The following ANO10 variants were observed in gnomAD, a reference collection of about 807,000 sequenced individuals.
ANO10 encodes anoctamin-10.
A neutral mutation model predicts 74.7 loss-of-function variants in ANO10; 77 were observed. That is an observed-to-expected ratio of 1.03 (90% CI 0.86 to 1.25). The LOEUF (loss-of-function observed/expected upper bound fraction) is 1.25, where lower values mean the gene tolerates loss of function less well. Among genes scored for constraint, ANO10 ranks in the 50% most tolerant of loss-of-function variants. The probability of loss-of-function intolerance (pLI) is 0.00; values close to 1 mark genes in which losing one functional copy is unlikely to be tolerated. For synonymous variants in ANO10, 279 were observed against 284.9 expected, an observed-to-expected ratio of 0.98 and a Z score of 0.21; for missense variants, 721 against 778.1, an observed-to-expected ratio of 0.93 and a Z score of 0.87.
At chr3:43,578,292 G>T (rs2149406745) in intron 5 of ANO10, among the ~76,000 whole-genome samples, 1 of 152,100 alleles carries the variant, frequency 6.6e-6, no homozygotes, top group East Asian at 1.9e-4. Context: ...CATGACACTT[G>T]GCTCCACAGC....
intron 1 of ANO10, among the ~76,000 whole-genome samples, chr3:43,651,516 T>C (rs1410863800): frequency 6.6e-6 from 1 of 152,078 alleles, no homozygotes. Context: ...AGAGGGAGTA[T>C]TTTTTTCTAG....
At chr3:43,428,103 G>A (rs905404752) in intron 12 of ANO10, among the ~76,000 whole-genome samples, 2 of 151,776 alleles carry the variant, frequency 1.3e-5, no homozygotes, top group African/African-American at 4.8e-5. Flanking sequence ...AGCCTGGAGT[G>A]CAGAGGCGTG....
At chr3:43,675,674 G>A (rs755354285) in intron 1 of ANO10, among the ~76,000 whole-genome samples, 7 of 152,042 alleles carry the variant, frequency 4.6e-5, no homozygotes, top group South Asian at 2.1e-4. Context: ...ATGGGACATT[G>A]TGACTTTAAT....
chr3:43,565,816 T>A, intron 7 of ANO10, 89 bp from the exon 8 acceptor site: 1 of 1,429,808 alleles, frequency 7.0e-7, no homozygotes, highest in Non-Finnish European at 9.6e-7. Flanking sequence ...AAAAATGTAA[T>A]GGGAGCGGGG....
intron 12 of ANO10, among the ~76,000 whole-genome samples, chr3:43,382,347 G>T (rs942507423): frequency 6.6e-6 from 1 of 151,876 alleles, no homozygotes; most frequent in African/African-American, 2.4e-5. Flanking sequence ...GTGAAACCCC[G>T]TCTCTACTAA....
intron 11 of ANO10, among the ~76,000 whole-genome samples, chr3:43,446,695 A>T (rs893401438): frequency 6.6e-6 from 1 of 152,216 alleles, no homozygotes; most frequent in Non-Finnish European, 1.5e-5. Flanking sequence ...ATCAATTTTA[A>T]CAACTCAGAA....
intron 1 of ANO10, among the ~76,000 whole-genome samples, chr3:43,679,649 G>A (rs945474865): frequency 6.6e-6 from 1 of 152,330 alleles, no homozygotes. Flanking sequence ...CTCCTCAAGT[G>A]GGTCCCTGAC....
chr3:43,552,499 A>C (rs1478748888), intron 10 of ANO10, among the ~76,000 whole-genome samples: 1 of 151,890 alleles, frequency 6.6e-6, no homozygotes, highest in Non-Finnish European at 1.5e-5. Context: ...AGAAAAGTCT[A>C]TTTTGTTTAC....
intron 12 of ANO10, among the ~76,000 whole-genome samples, chr3:43,427,468 T>G (rs2092915711): frequency 6.6e-6 from 1 of 152,206 alleles, no homozygotes; most frequent in African/African-American, 2.4e-5. Flanking sequence ...AATCATATTT[T>G]GCCCATAAAA....
intron 7 of ANO10, among the ~76,000 whole-genome samples, chr3:43,566,564 C>T (rs1164551461): frequency 6.6e-6 from 1 of 152,220 alleles, no homozygotes; most frequent in African/African-American, 2.4e-5. Context: ...AGGCACCCCC[C>T]AGCAGGGGTA....
intron 1 of ANO10, among the ~76,000 whole-genome samples, chr3:43,633,658 G>C (rs112528546): frequency 5.3e-5 from 8 of 152,274 alleles, no homozygotes; most frequent in African/African-American, 1.9e-4. Context: ...GAACTACAAA[G>C]GGGTTGAAAT....
intron 1 of ANO10, among the ~76,000 whole-genome samples, chr3:43,688,531 G>A (rs2084304690): frequency 6.6e-6 from 1 of 152,148 alleles, no homozygotes; most frequent in Admixed American, 6.5e-5. Flanking sequence ...GCATGTGACA[G>A]GCTGTTCTTA....
chr3:43,381,599 A>G (rs2091960455), intron 12 of ANO10, among the ~76,000 whole-genome samples: 2 of 152,242 alleles, frequency 1.3e-5, no homozygotes, highest in Admixed American at 6.5e-5. Context: ...GAAATGAAAT[A>G]GACAGCAACA....
At chr3:43,606,913 G>A (rs1464510717) in intron 1 of ANO10, among the ~76,000 whole-genome samples, 1 of 152,100 alleles carries the variant, frequency 6.6e-6, no homozygotes, top group Non-Finnish European at 1.5e-5. Flanking sequence ...ATATATATGT[G>A]CATATATATG....
At chr3:43,511,583 T>C (rs1287131040) in intron 11 of ANO10, among the ~76,000 whole-genome samples, 1 of 152,232 alleles carries the variant, frequency 6.6e-6, no homozygotes, top group Non-Finnish European at 1.5e-5. Flanking sequence ...TTTCTGCTTA[T>C]GTCTGTTAGT....
At chr3:43,442,996 T>C (rs899640718) in intron 11 of ANO10, among the ~76,000 whole-genome samples, 5 of 152,210 alleles carry the variant, frequency 3.3e-5, no homozygotes, top group African/African-American at 4.8e-5. Context: ...ACTAGGACTC[T>C]TCTCTGGAGT....
intron 9 of ANO10, among the ~76,000 whole-genome samples, chr3:43,557,652 A>G (rs1215657103): frequency 6.7e-6 from 1 of 150,300 alleles, no homozygotes; most frequent in Non-Finnish European, 1.5e-5. Flanking sequence ...GGAGAATGGT[A>G]TAAACCTGGG....
rs138950826 is a variant in ANO10 at position 43,459,511 on chromosome 3, T to C, written c.1798-26784A>G. Among the ~76,000 whole-genome samples, 479 of 152,224 alleles carry C rather than the reference T, an allele frequency of 3.1e-3. 4 individuals carry two copies. The highest frequency in any genetic ancestry group is 0.011 in the African/African-American group (455 of 41,540). Reference sequence around the variant, plus strand: ...ACAGAAATATCTGCCAGTAGAAGAATGACTTGTGGAGAGGAAGGTCCAAGT... The same window carrying C: ...ACAGAAATATCTGCCAGTAGAAGAACGACTTGTGGAGAGGAAGGTCCAAGT... On this transcript the variant is annotated intron_variant, in intron 11 of 12. Coordinates refer to ENST00000292246, the MANE Select transcript of ANO10 (RefSeq NM_018075.5).
chr3:43,559,263 G>A (rs2149339906), intron 9 of ANO10, among the ~76,000 whole-genome samples: 1 of 152,300 alleles, frequency 6.6e-6, no homozygotes, highest in South Asian at 2.1e-4. Context: ...TTGCTCAGAT[G>A]AGGACTGTAC....
Sources: gnomAD v4.1 joint callset for allele counts (sites outside exome capture counted in the v4.1 genomes callset) on GRCh38, gnomAD v4.1.1 for gene constraint, MANE v1.5 for transcripts, NCBI Gene and HGNC (gene_info 2026-07-23, HGNC 2026-07-21) for gene names.